Variants in ARL3 observed in about 807,000 individuals in gnomAD.
The protein encoded by ARL3 is ADP-ribosylation factor-like protein 3.
ARL3 carries 9 observed loss-of-function variants against 26.0 expected under a neutral mutation model. The ratio of observed to expected loss-of-function variants is 0.35; its 90% CI spans 0.21 to 0.60. The LOEUF (loss-of-function observed/expected upper bound fraction) is 0.60. Ranked by LOEUF, ARL3 falls within the 20% of genes least tolerant of loss-of-function variation. The pLI, the probability that ARL3 is intolerant of heterozygous loss-of-function variation, is 0.78. For missense variants in ARL3, 158 were observed against 215.7 expected (o/e 0.73, Z 1.67); for synonymous variants, 71 against 78.4 (o/e 0.91, Z 0.50).
chr10:102,676,589 C>T lies in ARL3; in HGVS notation c.*305G>A. 1 of 208,320 alleles carries T rather than the reference C, an allele frequency of 4.8e-6. No homozygotes were observed. Among genetic ancestry groups the T allele is most frequent in the South Asian group, 9.8e-5 (1 of 10,192 alleles). 12.9% of individuals were successfully genotyped at this position (208,320 alleles called of 1,614,324 possible). A position where few individuals can be genotyped will look rare whatever the true frequency, so the allele number is the denominator to read the frequency against. On this transcript the variant is annotated 3_prime_UTR_variant, in exon 6 of 6. Transcript: ENST00000260746. Reference sequence around the variant, plus strand: ...AAGCCCACTGGAATTGTCTAAACTGCAATGCAATCTCTTGCTCATTTAAAA... The same window carrying T: ...AAGCCCACTGGAATTGTCTAAACTGTAATGCAATCTCTTGCTCATTTAAAA...
intron 1 of ARL3, among the ~76,000 whole-genome samples, chr10:102,711,350 ATAT>A (rs1264793339): frequency 1.4e-5 from 2 of 147,856 alleles, no homozygotes; most frequent in African/African-American, 2.5e-5. Context: ...ATATATATAT[ATAT>A]GTATGTATAT....
intron 3 of ARL3, among the ~76,000 whole-genome samples, chr10:102,698,055 A>G (rs888383157): frequency 2.6e-5 from 4 of 152,172 alleles, no homozygotes; most frequent in Admixed American, 2.6e-4. Context: ...ATGTATGGTC[A>G]GGAGGAGTTT....
At chr10:102,692,013 T>C (rs2064220703) in intron 3 of ARL3, among the ~76,000 whole-genome samples, 1 of 152,222 alleles carries the variant, frequency 6.6e-6, no homozygotes, top group African/African-American at 2.4e-5. Flanking sequence ...TATTATCTTG[T>C]ACTAGTGTCG....
rs777705334 is a variant in ARL3 at position 102,685,869 on chromosome 10, C to T, written c.448G>A (p.Asp150Asn). ...CAAGACTGGATCTGCCAGACTCGGT[C>T]GCGGATGGTATGCAGGTTCAGTCCT... ...AEGLNLHTIRDRVWQIQSCSA... is the reference protein window; with the variant it reads ...AEGLNLHTIRNRVWQIQSCSA... Residue 150 changes from aspartate to asparagine, a missense_variant, in exon 5 of 6, where the codon GAC (aspartate) becomes AAC (asparagine). Coordinates refer to ENST00000260746, the MANE Select transcript of ARL3 (RefSeq NM_004311.4). 2.3e-5 allele frequency: 37 copies of T among 1,613,948 alleles called. No homozygotes were observed. The highest frequency in any genetic ancestry group is 2.7e-5 in the African/African-American group (2 of 74,896).
rs915195978 is a variant in ARL3, at chr10:102,675,644, T to A, written c.*1250A>T. The A allele has an allele frequency of 6.6e-6, 1 of 152,142 alleles. No individual in the cohort carries two copies. Among genetic ancestry groups the A allele is most frequent in the African/African-American group, 2.4e-5 (1 of 41,416 alleles). The allele number at this position is 152,142 out of a possible 1,614,324, so 9.4% of individuals were successfully genotyped here. A position where few individuals can be genotyped will look rare whatever the true frequency, so the allele number is the denominator to read the frequency against. On this transcript the variant is annotated 3_prime_UTR_variant, in exon 6 of 6. Coordinates refer to ENST00000260746, the MANE Select transcript of ARL3 (RefSeq NM_004311.4). Reference sequence around the variant, plus strand: ...GTTTTGCAACGAGGGGCAGGAGAAATGTTCTGCTATTCCTCTCCAATCAAT... The same window carrying A: ...GTTTTGCAACGAGGGGCAGGAGAAAAGTTCTGCTATTCCTCTCCAATCAAT...
chr10:102,698,798 G>A (rs1414805570), intron 3 of ARL3, among the ~76,000 whole-genome samples: 1 of 152,194 alleles, frequency 6.6e-6, no homozygotes, highest in Non-Finnish European at 1.5e-5. Flanking sequence ...CTGGACGATT[G>A]TAATTATAGG....
At chr10:102,711,053 C>T (rs1394927689) in intron 1 of ARL3, among the ~76,000 whole-genome samples, 1 of 152,142 alleles carries the variant, frequency 6.6e-6, no homozygotes, top group Non-Finnish European at 1.5e-5. Flanking sequence ...CATACGGTCC[C>T]CATAACTAGC....
At chr10:102,678,715 C>G (rs183127117) in intron 5 of ARL3, among the ~76,000 whole-genome samples, 34 of 152,340 alleles carry the variant, frequency 2.2e-4, no homozygotes, top group African/African-American at 7.9e-4. Context: ...TTGCATATAA[C>G]TGAACATGAA....
intron 5 of ARL3, among the ~76,000 whole-genome samples, chr10:102,684,309 C>T (rs772084024): frequency 7.9e-5 from 12 of 152,034 alleles, no homozygotes; most frequent in African/African-American, 1.7e-4. Flanking sequence ...CCACCACACC[C>T]GGCTAATTTT....
chr10:102,700,872 G>C (rs1402940243), intron 2 of ARL3, among the ~76,000 whole-genome samples: 1 of 150,632 alleles, frequency 6.6e-6, no homozygotes, highest in Non-Finnish European at 1.5e-5. Context: ...CGAGTAGCTG[G>C]GATTACAGGC....
intron 3 of ARL3, among the ~76,000 whole-genome samples, chr10:102,695,523 A>C (rs2064242408): frequency 6.6e-6 from 1 of 152,062 alleles, no homozygotes; most frequent in African/African-American, 2.4e-5. Flanking sequence ...GTTGATTTAA[A>C]ATTTTTTTTT....
intron 1 of ARL3, among the ~76,000 whole-genome samples, chr10:102,709,511 G>C (rs2064326997): frequency 6.6e-6 from 1 of 150,672 alleles, no homozygotes; most frequent in Admixed American, 6.6e-5. Flanking sequence ...TCCAGGTGTG[G>C]TGGTGTGCAC....
chr10:102,708,908 A>ATATTT lies in ARL3; in HGVS notation c.4-3420_4-3419insAAATA. ...ATATTATATATATATATATATATAT[A>ATATTT]TTTTTTTTTTTTTTGAGACAAGGTC... On this transcript the variant is annotated intron_variant, in intron 1 of 5. Transcript: ENST00000260746. Among the ~76,000 whole-genome samples, 54 of 95,326 alleles carry ATATTT rather than the reference A, an allele frequency of 5.7e-4. 1 individual carries two copies. Among genetic ancestry groups the ATATTT allele is most frequent in the Admixed American group, 1.5e-3 (12 of 8,056 alleles). 62.5% of individuals were successfully genotyped at this position (95,326 alleles called of 152,430 possible).
At position 102,675,089 on chromosome 10, in the gene ARL3, G is replaced by A. The variant is rs1460407214; in HGVS notation, c.*1805C>T. ...AGCCACATTTGCAGCCTGGTAGAAG[G>A]GGGATTTCTGATTCCTTATAATTCT... On this transcript the variant is annotated 3_prime_UTR_variant, in exon 6 of 6. Coordinates refer to ENST00000260746, the MANE Select transcript of ARL3 (RefSeq NM_004311.4). 3.9e-5 allele frequency: 6 copies of A among 152,222 alleles called. No homozygotes were observed. The highest frequency in any genetic ancestry group is 6.5e-5 in the Admixed American group (1 of 15,276). 9.4% of individuals were successfully genotyped at this position (152,222 alleles called of 1,614,324 possible).
chr10:102,693,369 T>A (rs988515504), intron 3 of ARL3, among the ~76,000 whole-genome samples: 3 of 152,226 alleles, frequency 2.0e-5, no homozygotes, highest in African/African-American at 7.2e-5. Flanking sequence ...CAGTTTTTTT[T>A]TTATTTTAGC....
intron 2 of ARL3, among the ~76,000 whole-genome samples, chr10:102,702,352 GTGAC>G (rs2064284459): frequency 6.6e-6 from 1 of 151,982 alleles, no homozygotes; most frequent in African/African-American, 2.4e-5. Flanking sequence ...GGCATTATAG[GTGAC>G]TTTTAGTTTC....
At chr10:102,685,434 G>A (rs1406940205) in intron 5 of ARL3, among the ~76,000 whole-genome samples, 1 of 152,040 alleles carries the variant, frequency 6.6e-6, no homozygotes, top group African/African-American at 2.4e-5. Flanking sequence ...ACACTTCTAG[G>A]ATGACTAGTA....
intron 1 of ARL3, among the ~76,000 whole-genome samples, chr10:102,711,591 AAC>A (rs2064341047): frequency 6.6e-6 from 1 of 151,614 alleles, no homozygotes; most frequent in African/African-American, 2.4e-5. Flanking sequence ...CTCTACTAAA[AAC>A]ACACACACAC....
rs1028120733 is a variant in ARL3, at chr10:102,684,573, C to T, written c.501+1243G>A. 3.9e-5 allele frequency among the ~76,000 whole-genome samples: 6 copies of T among 152,094 alleles called. No homozygotes were observed. The South Asian group carries it at 1.2e-3, about 32-fold the overall frequency. On this transcript the variant is annotated intron_variant, in intron 5 of 5. Coordinates refer to ENST00000260746, the MANE Select transcript of ARL3 (RefSeq NM_004311.4). The stretch of plus-strand genomic sequence containing the variant: ...CATCTTCATCAAAATAACCTTAGGC[C>T]TTATGACTGCCATCCTATGTGCAAT...
Sources: gnomAD v4.1 joint callset for allele counts (sites outside exome capture counted in the v4.1 genomes callset) on GRCh38, gnomAD v4.1.1 for gene constraint, MANE v1.5 for transcripts, NCBI Gene and HGNC (gene_info 2026-07-23, HGNC 2026-07-21) for gene names.